TSGA10: variants seen among roughly 807,000 people sequenced by gnomAD.
TSGA10 encodes the protein testis specific 10.
A neutral mutation model predicts 96.6 loss-of-function variants in TSGA10; 43 were observed. That is an observed-to-expected ratio of 0.44 (90% confidence interval 0.35 to 0.57). The LOEUF (loss-of-function observed/expected upper bound fraction) is 0.57, where lower values mean the gene tolerates loss of function less well. Ranked by LOEUF, TSGA10 falls within the 20% of genes least tolerant of loss-of-function variation. The pLI is 0.01. For missense variants in TSGA10, 703 were observed against 834.4 expected (o/e 0.84, Z 1.94); for synonymous variants, 229 against 269.9 (o/e 0.85, Z 1.48).
At chr2:99,030,144 C>T (rs939604421) in intron 17 of TSGA10, among the ~76,000 whole-genome samples, 25 of 151,834 alleles carry the variant, frequency 1.6e-4, no homozygotes, top group Middle Eastern at 3.4e-3. Context: ...GTCAGGAGTT[C>T]GAGACCAGCC....
At chr2:99,026,309 G>A (rs1002159796) in intron 17 of TSGA10, among the ~76,000 whole-genome samples, 3 of 151,970 alleles carry the variant, frequency 2.0e-5, no homozygotes, top group Admixed American at 2.0e-4. Flanking sequence ...ATCTATATAT[G>A]TCACAAGCCC....
At position 99,071,626 on chromosome 2, in the gene TSGA10, T is replaced by A; in HGVS notation, c.1107+80A>T. On this transcript the variant is annotated intron_variant, in intron 14 of 20. Coordinates refer to ENST00000393483, the MANE Select transcript of TSGA10 (RefSeq NM_025244.4). ...TAGTTCCAGTGTCTGAGCTCTTCTA[T>A]AAAATAAAATGAGGGCTGTTCCTCA... 2.1e-6 allele frequency: 3 copies of A among 1,403,036 alleles called. No individual in the cohort carries two copies. The South Asian group carries it at 4.1e-5, about 19-fold the overall frequency. 86.9% of individuals were successfully genotyped at this position (1,403,036 alleles called of 1,614,324 possible).
intron 1 of TSGA10, among the ~76,000 whole-genome samples, chr2:99,148,619 A>C (rs1175164320): frequency 6.6e-6 from 1 of 152,192 alleles, no homozygotes; most frequent in Non-Finnish European, 1.5e-5. Flanking sequence ...GATGAGTATG[A>C]AATTGTAAAC....
chr2:99,110,089 C>T (rs557106702), intron 5 of TSGA10, among the ~76,000 whole-genome samples: 12 of 152,186 alleles, frequency 7.9e-5, no homozygotes, highest in South Asian at 2.1e-4. Context: ...CATTTGAACC[C>T]GGGAGGCGGA....
chr2:99,055,477 A>G (rs1335988716), intron 16 of TSGA10, among the ~76,000 whole-genome samples: 1 of 151,492 alleles, frequency 6.6e-6, no homozygotes, highest in Admixed American at 6.6e-5. Context: ...TGTTCTCACC[A>G]CAAAAAAAAA....
intron 10 of TSGA10, among the ~76,000 whole-genome samples, chr2:99,099,699 A>T (rs188816040): frequency 7.2e-5 from 11 of 152,326 alleles, no homozygotes; most frequent in Non-Finnish European, 1.6e-4. Flanking sequence ...AATATATTGA[A>T]TAGTTAATTA....
chr2:99,024,472 T>C (rs538494084), intron 17 of TSGA10, among the ~76,000 whole-genome samples: 4 of 152,296 alleles, frequency 2.6e-5, no homozygotes, highest in East Asian at 1.9e-4. Context: ...TGTTAATGTA[T>C]AGAAATAAGA....
chr2:99,054,667 C>T (rs983399978), intron 16 of TSGA10, among the ~76,000 whole-genome samples: 1 of 151,990 alleles, frequency 6.6e-6, no homozygotes, highest in African/African-American at 2.4e-5. Context: ...ACAAATAACC[C>T]AATTTAAAAA....
intron 12 of TSGA10, among the ~76,000 whole-genome samples, chr2:99,075,633 T>C (rs1004066395): frequency 3.3e-5 from 5 of 152,178 alleles, no homozygotes; most frequent in African/African-American, 7.2e-5. Context: ...TTTCCTCTTT[T>C]GATTGCCTAA....
chr2:99,143,478 T>C (rs1240789335), intron 1 of TSGA10, among the ~76,000 whole-genome samples: 1 of 151,106 alleles, frequency 6.6e-6, no homozygotes, highest in Admixed American at 6.6e-5. Flanking sequence ...TTTTCCTTTT[T>C]TTTAAGACAG....
intron 1 of TSGA10, chr2:99,141,126 T>G (rs546159005): frequency 7.8e-7 from 1 of 1,280,794 alleles, no homozygotes; most frequent in South Asian, 1.2e-5. Context: ...CCCGCCGTCC[T>G]GCCCAGAGCT....
chr2:99,146,025 G>A (rs2105134194), intron 1 of TSGA10, among the ~76,000 whole-genome samples: 1 of 152,254 alleles, frequency 6.6e-6, no homozygotes, highest in East Asian at 1.9e-4. Context: ...GGCTCATGCT[G>A]TAATCCAAGC....
At chr2:99,002,862 CT>C (rs61204458) in intron 20 of TSGA10, among the ~76,000 whole-genome samples, 742 of 143,462 alleles carry the variant, frequency 5.2e-3, no homozygotes, top group African/African-American at 0.012. Flanking sequence ...ATAAAACAAA[CT>C]TTTTTTTTTT....
In TSGA10 at chr2:99,005,128, T is replaced by C. The variant is rs1487231510; in HGVS notation, c.2073-6907A>G. On this transcript the variant is annotated intron_variant, in intron 20 of 20. Transcript: ENST00000393483. ...TAAAAACTCTCAATAAATTAGGTAT[T>C]GATGGGACGTATCTCAAAATAATAA... is the stretch of plus-strand genomic sequence containing the variant. 2.0e-5 allele frequency among the ~76,000 whole-genome samples: 3 copies of C among 152,170 alleles called. No individual in the cohort carries two copies. The South Asian group carries it at 6.2e-4, about 32-fold the overall frequency.
intron 10 of TSGA10, among the ~76,000 whole-genome samples, chr2:99,083,665 T>A (rs1340144297): frequency 6.6e-6 from 1 of 152,214 alleles, no homozygotes; most frequent in Non-Finnish European, 1.5e-5. Flanking sequence ...CAAAATTTAA[T>A]ACTTGGCTGG....
At chr2:99,089,969 T>A (rs1214926921) in intron 10 of TSGA10, among the ~76,000 whole-genome samples, 3 of 152,022 alleles carry the variant, frequency 2.0e-5, no homozygotes, top group Non-Finnish European at 4.4e-5. Flanking sequence ...ACCAGTGCAA[T>A]AAACAACAAT....
chr2:99,117,277 A>T (rs1424378482), intron 4 of TSGA10: 1 of 152,326 alleles, frequency 6.6e-6, no homozygotes, highest in Non-Finnish European at 1.5e-5. Flanking sequence ...GGGAAGTGGG[A>T]GCAACATTTA....
chr2:99,094,247 T>A (rs2089734293), intron 10 of TSGA10, among the ~76,000 whole-genome samples: 1 of 152,174 alleles, frequency 6.6e-6, no homozygotes, highest in East Asian at 1.9e-4. Flanking sequence ...TATACAAAAA[T>A]CAACTCAAGA....
intron 20 of TSGA10, among the ~76,000 whole-genome samples, chr2:99,005,923 T>C (rs1240955923): frequency 1.3e-5 from 2 of 152,304 alleles, no homozygotes; most frequent in African/African-American, 2.4e-5. Context: ...CAAAACAGCA[T>C]GGTACTGGTA....
Sources: allele counts gnomAD v4.1 joint callset (sites outside exome capture counted in the v4.1 genomes callset), GRCh38; gene constraint gnomAD v4.1.1; transcripts MANE v1.5; gene names NCBI Gene and HGNC (gene_info 2026-07-23, HGNC 2026-07-21).